CAMK1D: variants seen among roughly 807,000 people sequenced by gnomAD.
CAMK1D encodes calcium/calmodulin dependent protein kinase ID.
In CAMK1D, 9 loss-of-function variants were observed where a neutral mutation model predicts 47.7. The ratio of observed to expected loss-of-function variants is 0.19; its 90% CI spans 0.11 to 0.33. The LOEUF (loss-of-function observed/expected upper bound fraction) is 0.33. Ranked by LOEUF, CAMK1D falls within the 10% of genes least tolerant of loss-of-function variation. The probability of loss-of-function intolerance (pLI) is 1.00; values close to 1 mark genes in which losing one functional copy is unlikely to be tolerated. For synonymous variants in CAMK1D, 184 were observed against 184.9 expected, an observed-to-expected ratio of 0.99 and a Z score of 0.04; for missense variants, 291 against 488.7, an observed-to-expected ratio of 0.60 and a Z score of 3.81.
intron 2 of CAMK1D, among the ~76,000 whole-genome samples, chr10:12,579,728 A>G (rs1191020187): frequency 2.6e-5 from 4 of 152,190 alleles, no homozygotes; most frequent in Non-Finnish European, 5.9e-5. Flanking sequence ...GGACCAGACC[A>G]GTCACAATTG....
At chr10:12,780,339 T>C (rs1232530372) in intron 5 of CAMK1D, among the ~76,000 whole-genome samples, 1 of 152,226 alleles carries the variant, frequency 6.6e-6, no homozygotes, top group Non-Finnish European at 1.5e-5. Context: ...TGCCTTTCAC[T>C]TAAACTTGGG....
chr10:12,585,361 C>T (rs780791811), intron 2 of CAMK1D, among the ~76,000 whole-genome samples: 2 of 152,232 alleles, frequency 1.3e-5, no homozygotes, highest in Admixed American at 6.5e-5. Context: ...TTTAAGCTGC[C>T]TCCGCCTGGG....
chr10:12,405,427 A>G (rs1349804487), intron 1 of CAMK1D, among the ~76,000 whole-genome samples: 1 of 152,186 alleles, frequency 6.6e-6, no homozygotes, highest in East Asian at 1.9e-4. Context: ...TGTAATATGC[A>G]CCATGTTCAG....
At chr10:12,507,654 C>A (rs757500858) in intron 1 of CAMK1D, among the ~76,000 whole-genome samples, 1 of 152,114 alleles carries the variant, frequency 6.6e-6, no homozygotes, top group Non-Finnish European at 1.5e-5. Context: ...AGAGGCACTG[C>A]GGATGGGCTT....
intron 1 of CAMK1D, among the ~76,000 whole-genome samples, chr10:12,419,898 G>A (rs2131963809): frequency 6.6e-6 from 1 of 151,822 alleles, no homozygotes; most frequent in South Asian, 2.1e-4. Flanking sequence ...TTTTTAGTAA[G>A]CAGTGAATAA....
At chr10:12,697,485 G>A (rs535509563) in intron 3 of CAMK1D, among the ~76,000 whole-genome samples, 1 of 152,240 alleles carries the variant, frequency 6.6e-6, no homozygotes, top group Admixed American at 6.5e-5. Context: ...TGCAACCTCC[G>A]CCTTCCCAGT....
At chr10:12,701,675 T>A (rs1398434090) in intron 3 of CAMK1D, among the ~76,000 whole-genome samples, 3 of 152,240 alleles carry the variant, frequency 2.0e-5, no homozygotes, top group African/African-American at 2.4e-5. Context: ...CCAGTATTCT[T>A]TTTAGGAGAC....
At chr10:12,561,275 C>T (rs11257890) in intron 2 of CAMK1D, among the ~76,000 whole-genome samples, 72,473 of 151,686 alleles carry the variant, frequency 0.48, 18,529 homozygotes, top group Non-Finnish European at 0.58. Context: ...ATGGTGGTGG[C>T]GGTGGTGTGC....
At chr10:12,583,857 C>T (rs911247408) in intron 2 of CAMK1D, among the ~76,000 whole-genome samples, 1 of 152,092 alleles carries the variant, frequency 6.6e-6, no homozygotes, top group African/African-American at 2.4e-5. Context: ...CCTCTGCCTC[C>T]CATAATGCTG....
At chr10:12,756,901 C>T (rs546519396) in intron 3 of CAMK1D, among the ~76,000 whole-genome samples, 42 of 152,286 alleles carry the variant, frequency 2.8e-4, no homozygotes, top group South Asian at 1.4e-3. Flanking sequence ...CCAGCCTGGG[C>T]GACAGAGTGA....
chr10:12,569,426 G>A (rs939533909), intron 2 of CAMK1D, among the ~76,000 whole-genome samples: 13 of 151,994 alleles, frequency 8.6e-5, no homozygotes, highest in African/African-American at 3.1e-4. Context: ...AAAATTGTGT[G>A]GTGCTGGGGT....
chr10:12,360,945 A>C (rs1279576924), intron 1 of CAMK1D, among the ~76,000 whole-genome samples: 7 of 152,178 alleles, frequency 4.6e-5, no homozygotes, highest in African/African-American at 1.7e-4. Context: ...TTAGGTTGGA[A>C]TAGTGTCCAC....
chr10:12,721,748 G>A (rs1375967058), intron 3 of CAMK1D, among the ~76,000 whole-genome samples: 5 of 152,162 alleles, frequency 3.3e-5, no homozygotes, highest in African/African-American at 1.2e-4. Flanking sequence ...CACATGGCTC[G>A]ATGGGAAATG....
At chr10:12,571,472 GAAAA>G (rs1171267177) in intron 2 of CAMK1D, among the ~76,000 whole-genome samples, 1,441 of 119,972 alleles carry the variant, frequency 0.012, 25 homozygotes, top group South Asian at 0.031. Context: ...AAAAAAAAAA[GAAAA>G]AAAAGAAATA....
At chr10:12,811,228 A>G (rs1041029036) in intron 6 of CAMK1D, among the ~76,000 whole-genome samples, 8 of 152,178 alleles carry the variant, frequency 5.3e-5, no homozygotes, top group African/African-American at 1.9e-4. Flanking sequence ...TGGATATGTA[A>G]AAGAAGCCAC....
At chr10:12,554,920 C>T (rs1432253671) in intron 2 of CAMK1D, among the ~76,000 whole-genome samples, 1 of 152,310 alleles carries the variant, frequency 6.6e-6, no homozygotes, top group East Asian at 1.9e-4. Flanking sequence ...CCGTTCCCCA[C>T]ACTGTCATGA....
In CAMK1D at chr10:12,349,788, C is replaced by G. The variant is rs773187408; in HGVS notation, c.-31C>G. On this transcript the variant is annotated 5_prime_UTR_variant, in exon 1 of 11. Transcript: ENST00000619168. ...CGGCGCCCCCTCCCCAGCGCGCCCC[C>G]GGCCGCTCCTCCGCGCCGCGCTCGT... 4.7e-6 allele frequency: 6 copies of G among 1,267,184 alleles called. No individual in the cohort carries two copies. The highest frequency in any genetic ancestry group is 1.6e-5 in the African/African-American group (1 of 63,716). 78.5% of individuals were successfully genotyped at this position (1,267,184 alleles called of 1,614,324 possible).
intron 1 of CAMK1D, among the ~76,000 whole-genome samples, chr10:12,381,339 T>G (rs911608239): frequency 7.3e-6 from 1 of 137,192 alleles, no homozygotes; most frequent in African/African-American, 2.7e-5. Flanking sequence ...ATCATAATGC[T>G]TTCTTTTTTT....
chr10:12,732,762 A>G (rs557571959), intron 3 of CAMK1D, among the ~76,000 whole-genome samples: 22 of 144,806 alleles, frequency 1.5e-4, no homozygotes, highest in Admixed American at 4.4e-4. Flanking sequence ...GCCAAACCCT[A>G]TCAATCTGGT....
Sources: gnomAD v4.1 joint callset for allele counts (sites outside exome capture counted in the v4.1 genomes callset) on GRCh38, gnomAD v4.1.1 for gene constraint, MANE v1.5 for transcripts, NCBI Gene and HGNC (gene_info 2026-07-23, HGNC 2026-07-21) for gene names.